The following GADL1 variants were observed in gnomAD, a reference collection of about 807,000 sequenced individuals.
GADL1 encodes GAD like acidic amino acid decarboxylase 1, also known as acidic amino acid decarboxylase GADL1.
Under a neutral mutation model 69.5 loss-of-function variants are expected in GADL1, and 71 were observed. The observed-to-expected ratio is 1.02, with a 90% CI of 0.84 to 1.25. The LOEUF (loss-of-function observed/expected upper bound fraction) is 1.25, where lower values mean the gene tolerates loss of function less well. Among genes scored for constraint, GADL1 ranks in the 50% most tolerant of loss-of-function variants. GADL1 has a pLI of 0.00. For synonymous variants in GADL1, 254 were observed against 214.4 expected, an observed-to-expected ratio of 1.18 and a Z score of -1.62; for missense variants, 737 against 631.8, an observed-to-expected ratio of 1.17 and a Z score of -1.79.
chr3:30,827,217 CAGT>C (rs1169685828), intron 11 of GADL1, among the ~76,000 whole-genome samples: 1 of 151,160 alleles, frequency 6.6e-6, no homozygotes, highest in African/African-American at 2.4e-5. Context: ...GTTTTATACT[CAGT>C]AGTAGAGCGA....
intron 1 of GADL1, among the ~76,000 whole-genome samples, chr3:30,864,157 C>T (rs1209312638): frequency 6.6e-6 from 1 of 151,930 alleles, no homozygotes; most frequent in Non-Finnish European, 1.5e-5. Flanking sequence ...ATTTTTTAGG[C>T]CCTAAAAATA....
In GADL1 at chr3:30,857,127, C is replaced by G. The variant is rs750549374; in HGVS notation, c.225G>C (p.Arg75Ser). 10 of 1,549,906 alleles carry G rather than the reference C, an allele frequency of 6.5e-6. No homozygotes were observed. Among genetic ancestry groups the G allele is most frequent in the East Asian group, 4.9e-5 (2 of 40,886 alleles). ...GAAGCTGTTTCAGTTGTTCAGGAGG[C>G]CTCCATTCACACACCTGGAGATTCA... ...TDVNEKVCEW[R>S]PPEQLKQLLD... Residue 75 changes from arginine to serine, a missense_variant, in exon 3 of 15, where the codon AGG becomes AGC. Transcript: ENST00000282538.
In GADL1 at chr3:30,836,959, A is replaced by G. The variant is rs563761296; in HGVS notation, c.903+2038T>C. Among the ~76,000 whole-genome samples, 4 of 152,242 alleles carry G rather than the reference A, an allele frequency of 2.6e-5. No individual in the cohort carries two copies. In the South Asian group the frequency reaches 8.3e-4, roughly 32 times the overall value. On this transcript the variant is annotated intron_variant, in intron 9 of 14. Transcript: ENST00000282538. Reference sequence around the variant, plus strand: ...AACGCATTATATTACCAAATTGAAGACAGTATCAAATGTAAGCACCCCCAT... The same window carrying G: ...AACGCATTATATTACCAAATTGAAGGCAGTATCAAATGTAAGCACCCCCAT...
intron 14 of GADL1, among the ~76,000 whole-genome samples, chr3:30,757,953 C>T (rs953220863): frequency 1.3e-5 from 2 of 152,188 alleles, no homozygotes; most frequent in Non-Finnish European, 2.9e-5. Context: ...AGCATGTTAC[C>T]ATGTGCTGAG....
intron 4 of GADL1, among the ~76,000 whole-genome samples, chr3:30,851,824 G>A (rs1051649468): frequency 1.4e-4 from 22 of 152,136 alleles, no homozygotes; most frequent in Admixed American, 4.6e-4. Flanking sequence ...TCCCCAGGTC[G>A]TCACTCATGT....
chr3:30,756,543 G>GA (rs1695974970), intron 14 of GADL1, among the ~76,000 whole-genome samples: 1 of 152,150 alleles, frequency 6.6e-6, no homozygotes, highest in Non-Finnish European at 1.5e-5. Context: ...CCTGGTCTTG[G>GA]AATTTGCTTT....
intron 14 of GADL1, among the ~76,000 whole-genome samples, chr3:30,768,718 A>G (rs1042913511): frequency 1.3e-5 from 2 of 152,156 alleles, no homozygotes; most frequent in African/African-American, 2.4e-5. Flanking sequence ...AGAAAGAAAC[A>G]TTTGAAGTGA....
At chr3:30,827,656 T>G (rs1464324322) in intron 11 of GADL1, among the ~76,000 whole-genome samples, 2 of 151,898 alleles carry the variant, frequency 1.3e-5, no homozygotes, top group Non-Finnish European at 2.9e-5. Context: ...ATGAAATCGT[T>G]TTTTAACGTG....
At position 30,844,153 on chromosome 3, in the gene GADL1, G is replaced by T. The variant is rs566417915; in HGVS notation, c.786+57C>A. On this transcript the variant is annotated intron_variant, in intron 8 of 14. Transcript: ENST00000282538. ...GCTATTCCCTCTCTTTCATAAGCGC[G>T]CGGGCGTGCGCGCACACACACACGT... The T allele has an allele frequency of 2.2e-6, 3 of 1,348,346 alleles. No homozygotes were observed. The African/African-American group carries it at 4.4e-5, about 20-fold the overall frequency. The allele number at this position is 1,348,346 out of a possible 1,614,324, so 83.5% of individuals were successfully genotyped here.
At chr3:30,783,311 A>G (rs1340794293) in intron 13 of GADL1, among the ~76,000 whole-genome samples, 3 of 152,244 alleles carry the variant, frequency 2.0e-5, no homozygotes, top group Non-Finnish European at 2.9e-5. Context: ...GAAAACATCT[A>G]TTAGATCTTA....
chr3:30,743,207 A>C (rs1575180743), intron 14 of GADL1, among the ~76,000 whole-genome samples: 1 of 152,202 alleles, frequency 6.6e-6, no homozygotes, highest in African/African-American at 2.4e-5. Flanking sequence ...AAGGCAGAAT[A>C]GCCAGAAATA....
chr3:30,747,677 G>A (rs1695728534), intron 14 of GADL1, among the ~76,000 whole-genome samples: 3 of 152,128 alleles, frequency 2.0e-5, no homozygotes. Context: ...CTGTAGACAT[G>A]GCCATATCTA....
chr3:30,728,667 C>T (rs1027658764), intron 14 of GADL1, among the ~76,000 whole-genome samples: 6 of 152,194 alleles, frequency 3.9e-5, no homozygotes, highest in Admixed American at 1.3e-4. Context: ...CATTTATGGT[C>T]GAGAAAACAG....
At chr3:30,830,170 G>A (rs1384620731) in intron 11 of GADL1, among the ~76,000 whole-genome samples, 1 of 151,760 alleles carries the variant, frequency 6.6e-6, no homozygotes, top group Non-Finnish European at 1.5e-5. Flanking sequence ...TCCCCTAAAA[G>A]GAGGCTGTTA....
intron 6 of GADL1, among the ~76,000 whole-genome samples, chr3:30,849,460 C>A (rs1320822160): frequency 6.6e-6 from 1 of 152,024 alleles, no homozygotes; most frequent in African/African-American, 2.4e-5. Flanking sequence ...TAACTCAAAG[C>A]CTATGCGCTT....
chr3:30,772,636 G>T (rs115584062), intron 14 of GADL1, among the ~76,000 whole-genome samples: 5,672 of 152,228 alleles, frequency 0.037, 152 homozygotes, highest in South Asian at 0.066. Flanking sequence ...AAGCACTTTG[G>T]GGGGCTGAGG....
At chr3:30,840,116 T>C (rs1296634290) in intron 8 of GADL1, among the ~76,000 whole-genome samples, 1 of 152,078 alleles carries the variant, frequency 6.6e-6, no homozygotes, top group African/African-American at 2.4e-5. Flanking sequence ...CCTCTAAAAG[T>C]TATTTTTTTC....
chr3:30,752,420 T>C (rs1695845596), intron 14 of GADL1, among the ~76,000 whole-genome samples: 1 of 151,532 alleles, frequency 6.6e-6, no homozygotes, highest in Non-Finnish European at 1.5e-5. Context: ...AGGATGGGAG[T>C]AACAATGGAG....
intron 11 of GADL1, among the ~76,000 whole-genome samples, chr3:30,814,951 C>G (rs139817805): frequency 1.2e-3 from 187 of 150,706 alleles, no homozygotes; most frequent in African/African-American, 4.2e-3. Context: ...GTGACAGAGC[C>G]AGACTCTGTC....
Sources: allele counts gnomAD v4.1 joint callset (sites outside exome capture counted in the v4.1 genomes callset), GRCh38; gene constraint gnomAD v4.1.1; transcripts MANE v1.5; gene names NCBI Gene and HGNC (gene_info 2026-07-23, HGNC 2026-07-21).